The following ACTN2 variants were observed in gnomAD, a reference collection of about 807,000 sequenced individuals.
ACTN2 encodes the protein actinin alpha 2.
ACTN2 carries 39 observed loss-of-function variants against 113.8 expected under a neutral mutation model. The observed-to-expected ratio is 0.34, with a 90% confidence interval of 0.27 to 0.45. The LOEUF is 0.45. Ranked by LOEUF, ACTN2 falls within the 20% of genes least tolerant of loss-of-function variation. The pLI is 1.00. For missense variants in ACTN2, 992 were observed against 1,177.9 expected, an observed-to-expected ratio of 0.84 and a Z score of 2.31; for synonymous variants, 429 against 444.1, an observed-to-expected ratio of 0.97 and a Z score of 0.43.
At chr1:236,735,766 G>A in intron 8 of ACTN2, 46 bp downstream of exon 8, 1 of 1,538,470 alleles carries the variant, frequency 6.5e-7, no homozygotes, top group Non-Finnish European at 9.0e-7. Context: ...CTCTCTGTTG[G>A]TTTTAGTTGT....
intron 1 of ACTN2, among the ~76,000 whole-genome samples, chr1:236,710,601 G>A (rs1657994689): frequency 6.6e-6 from 1 of 152,156 alleles, no homozygotes; most frequent in Admixed American, 6.5e-5. Flanking sequence ...CCAGATCAGG[G>A]GCTCACAACG....
chr1:236,721,585 A>G (rs1192824548), intron 4 of ACTN2, among the ~76,000 whole-genome samples: 2 of 152,224 alleles, frequency 1.3e-5, no homozygotes, highest in Non-Finnish European at 1.5e-5. Flanking sequence ...TGTACAATAT[A>G]GTTCTATTAC....
rs397516572 is a variant in ACTN2, at chr1:236,755,047, C to G, written c.2003C>G (p.Thr668Arg). ...ATTGCCCGGAGCTCCATCCAGATCA[C>G]AGGAGCCCTGGAAGACCAGATGAAC... is the stretch of plus-strand genomic sequence containing the variant. ...EEIARSSIQI[T>R]GALEDQMNQL... The change falls in exon 17 of 21, where the codon ACA becomes AGA. Residue 668 changes from threonine to arginine, a missense_variant. Transcript: ENST00000366578. The G allele has an allele frequency of 4.4e-5, 71 of 1,614,106 alleles. No individual in the cohort carries two copies. Among genetic ancestry groups the G allele is most frequent in the Non-Finnish European group, 6.0e-5 (71 of 1,180,046 alleles).
chr1:236,730,810 C>T (rs574282489), intron 6 of ACTN2, among the ~76,000 whole-genome samples: 20 of 152,270 alleles, frequency 1.3e-4, no homozygotes, highest in African/African-American at 3.6e-4. Flanking sequence ...CAACATTTTT[C>T]TTTCATCTCT....
intron 8 of ACTN2, 85 bp downstream of exon 8, chr1:236,735,805 G>C: frequency 2.6e-6 from 3 of 1,153,406 alleles, no homozygotes; most frequent in Non-Finnish European, 3.9e-6. Flanking sequence ...GTGTTTGTGC[G>C]CTTCACATCT....
intron 1 of ACTN2, among the ~76,000 whole-genome samples, chr1:236,700,764 G>C (rs1265568987): frequency 1.3e-5 from 2 of 152,180 alleles, no homozygotes; most frequent in Non-Finnish European, 2.9e-5. Flanking sequence ...CATTGAAAAG[G>C]TTCTTCGGGA....
chr1:236,689,461 C>T (rs1666001880), intron 1 of ACTN2, among the ~76,000 whole-genome samples: 1 of 151,426 alleles, frequency 6.6e-6, no homozygotes, highest in Non-Finnish European at 1.5e-5. Flanking sequence ...GCCTTGACCT[C>T]CTGGGCTCAA....
chr1:236,707,945 T>C (rs1003134512), intron 1 of ACTN2, among the ~76,000 whole-genome samples: 2 of 151,858 alleles, frequency 1.3e-5, no homozygotes, highest in Admixed American at 1.3e-4. Flanking sequence ...CTCCTAGACC[T>C]CGTGATCCAC....
intron 1 of ACTN2, among the ~76,000 whole-genome samples, chr1:236,695,510 C>A (rs1657463827): frequency 6.7e-6 from 1 of 148,470 alleles, no homozygotes; most frequent in Non-Finnish European, 1.5e-5. Flanking sequence ...TAAAATTTGT[C>A]ACCATATTTA....
chr1:236,687,001 G>A (rs1020011933), intron 1 of ACTN2, among the ~76,000 whole-genome samples: 1 of 152,110 alleles, frequency 6.6e-6, no homozygotes, highest in Non-Finnish European at 1.5e-5. Flanking sequence ...CGTCGTGTGT[G>A]TGCGCGCGCG....
At chr1:236,718,790 CCTT>C in intron 2 of ACTN2, 101 bp from the exon 3 acceptor site, 1 of 1,519,292 alleles carries the variant, frequency 6.6e-7, no homozygotes, top group African/African-American at 1.4e-5. Context: ...AGTCATGTAA[CCTT>C]CTCTTTTTAA....
chr1:236,687,272 G>A (rs1423791426), intron 1 of ACTN2, among the ~76,000 whole-genome samples: 1 of 152,178 alleles, frequency 6.6e-6, no homozygotes, highest in East Asian at 1.9e-4. Context: ...AATCTTTTGG[G>A]TTCCTTGGAG....
At chr1:236,715,095 A>G (rs148404611) in intron 1 of ACTN2, among the ~76,000 whole-genome samples, 9 of 152,296 alleles carry the variant, frequency 5.9e-5, no homozygotes, top group African/African-American at 2.2e-4. Context: ...TAGCCAAGGA[A>G]CAAAGGTGAG....
chr1:236,701,885 A>G (rs186895654), intron 1 of ACTN2, among the ~76,000 whole-genome samples: 29 of 152,380 alleles, frequency 1.9e-4, no homozygotes, highest in Non-Finnish European at 3.4e-4. Context: ...CCTCATTTCT[A>G]TAATGAGACA....
intron 3 of ACTN2, 71 bp from the exon 4 acceptor site, chr1:236,720,034 T>TGGAA: frequency 9.5e-7 from 1 of 1,050,942 alleles, no homozygotes; most frequent in Middle Eastern, 2.1e-4. Context: ...AAGTCAACAT[T>TGGAA]TATATATAGG....
intron 1 of ACTN2, among the ~76,000 whole-genome samples, chr1:236,706,928 G>GT (rs1405805712): frequency 3.9e-5 from 6 of 152,176 alleles, no homozygotes; most frequent in African/African-American, 1.4e-4. Context: ...CTTGTGTTGG[G>GT]TTTTTTGATT....
At chr1:236,756,041 C>G (rs1176339681) in intron 17 of ACTN2, among the ~76,000 whole-genome samples, 1 of 43,576 alleles carries the variant, frequency 2.3e-5, no homozygotes, top group African/African-American at 8.9e-5. Flanking sequence ...GCAGAGGGCC[C>G]GCTGCCACCG....
Position 236,752,102 on chromosome 1 carries a change from A to G in ACTN2, c.1839+450A>G, listed in dbSNP as rs773861326. 2.6e-5 allele frequency among the ~76,000 whole-genome samples: 4 copies of G among 152,238 alleles called. No individual in the cohort carries two copies. In the East Asian group the frequency reaches 5.8e-4, roughly 22 times the overall value. On this transcript the variant is annotated intron_variant, in intron 15 of 20. Transcript: ENST00000366578. ...AAAACGACATCTTGGGAATGAAAGT[A>G]TTCTTACTAACTTGCAGCCTTTTAA...
chr1:236,717,405 C>G (rs1312776847), intron 1 of ACTN2, among the ~76,000 whole-genome samples: 1 of 152,118 alleles, frequency 6.6e-6, no homozygotes, highest in African/African-American at 2.4e-5. Flanking sequence ...CCACTGTTCT[C>G]CAGCCTGGGT....
Sources: allele counts gnomAD v4.1 joint callset (sites outside exome capture counted in the v4.1 genomes callset), GRCh38; gene constraint gnomAD v4.1.1; transcripts MANE v1.5; gene names NCBI Gene and HGNC (gene_info 2026-07-23, HGNC 2026-07-21).